The following PTPRD variants were observed in gnomAD, a reference collection of about 807,000 sequenced individuals.
The protein encoded by PTPRD is protein tyrosine phosphatase receptor type D.
In PTPRD, 34 loss-of-function variants were observed where a neutral mutation model predicts 214.5. That is an observed-to-expected ratio of 0.16 (90% CI 0.12 to 0.21). The LOEUF is 0.21. PTPRD is among the 10% of genes least tolerant of loss of function. The pLI is 1.00. For synonymous variants in PTPRD, 1,128 were observed against 845.7 expected, an observed-to-expected ratio of 1.33 and a Z score of -5.79; for missense variants, 2,545 against 2,398.7, an observed-to-expected ratio of 1.06 and a Z score of -1.27.
chr9:10,539,157 C>T (rs1006399845), intron 2 of PTPRD, among the ~76,000 whole-genome samples: 15 of 152,152 alleles, frequency 9.9e-5, no homozygotes, highest in African/African-American at 3.6e-4. Context: ...GAGAAAACAG[C>T]ATTTGAATTT....
intron 10 of PTPRD, among the ~76,000 whole-genome samples, chr9:9,084,869 C>A (rs1356092620): frequency 6.6e-6 from 1 of 152,076 alleles, no homozygotes; most frequent in Non-Finnish European, 1.5e-5. Context: ...ATTTTATTTT[C>A]TCTAATGTTT....
In PTPRD at chr9:10,363,991, G is replaced by GTTTTTGTTTTTTTTTT. The variant is rs1555222212; in HGVS notation, c.-599-22975_-599-22974insAAAAAAAAAACAAAAA. 6.5e-4 allele frequency among the ~76,000 whole-genome samples: 23 copies of GTTTTTGTTTTTTTTTT among 35,130 alleles called. 1 individual carries two copies. The highest frequency in any genetic ancestry group is 8.8e-4 in the Non-Finnish European group (16 of 18,094). The allele number at this position is 35,130 out of a possible 152,430, so 23.0% of individuals were successfully genotyped here. ...ATTATTATTGCCTCCACATTTTCGGGTTTTTTTTTTTTTTTTTTTTTTTTT... is the reference window on the plus strand; with the variant it reads ...ATTATTATTGCCTCCACATTTTCGGGTTTTTGTTTTTTTTTTTTTTTTTTTTTTTTTTTTTTTTTTT... On this transcript the variant is annotated intron_variant, in intron 2 of 45. Coordinates refer to ENST00000381196, the MANE Select transcript of PTPRD (RefSeq NM_002839.4).
At chr9:10,423,969 A>G (rs959057734) in intron 2 of PTPRD, among the ~76,000 whole-genome samples, 1 of 151,964 alleles carries the variant, frequency 6.6e-6, no homozygotes, top group Non-Finnish European at 1.5e-5. Flanking sequence ...AGATTTTCCA[A>G]TAGAGGGTAT....
At chr9:8,505,453 T>C (rs2137322121) in intron 22 of PTPRD, among the ~76,000 whole-genome samples, 1 of 151,564 alleles carries the variant, frequency 6.6e-6, no homozygotes, top group South Asian at 2.1e-4. Context: ...AAATCCCATC[T>C]CTCCTAAAAA....
intron 2 of PTPRD, among the ~76,000 whole-genome samples, chr9:10,538,064 C>T (rs889579677): frequency 6.6e-5 from 10 of 151,974 alleles, no homozygotes; most frequent in Admixed American, 2.6e-4. Flanking sequence ...TGAGTTTAGG[C>T]TTGTCAACTT....
chr9:10,012,661 T>A (rs564207746), intron 4 of PTPRD, among the ~76,000 whole-genome samples: 1 of 152,078 alleles, frequency 6.6e-6, no homozygotes, highest in African/African-American at 2.4e-5. Flanking sequence ...TGGAACATGA[T>A]AATTCCTCAG....
intron 2 of PTPRD, among the ~76,000 whole-genome samples, chr9:10,368,968 G>A (rs2097563037): frequency 6.6e-6 from 1 of 151,980 alleles, no homozygotes; most frequent in South Asian, 2.1e-4. Context: ...CCATTTTAAT[G>A]GCTTCAGTCA....
At chr9:9,511,143 G>T (rs535743259) in intron 8 of PTPRD, among the ~76,000 whole-genome samples, 1 of 151,742 alleles carries the variant, frequency 6.6e-6, no homozygotes, top group Admixed American at 6.6e-5. Context: ...TTTTCCTAAG[G>T]TTGGACTTTG....
At chr9:8,929,871 G>A (rs1278439426) in intron 11 of PTPRD, among the ~76,000 whole-genome samples, 32 of 84,754 alleles carry the variant, frequency 3.8e-4, no homozygotes, top group African/African-American at 7.3e-4. Context: ...ATATACATGT[G>A]TGTGTATATA....
At chr9:9,209,057 C>G (rs561441773) in intron 9 of PTPRD, among the ~76,000 whole-genome samples, 166 of 152,196 alleles carry the variant, frequency 1.1e-3, no homozygotes, top group Non-Finnish European at 2.2e-3. Flanking sequence ...ATCGGCCCGC[C>G]TTGGCCTCCC....
intron 35 of PTPRD, among the ~76,000 whole-genome samples, chr9:8,419,654 C>G (rs1340655696): frequency 1.3e-5 from 2 of 151,616 alleles, no homozygotes; most frequent in Non-Finnish European, 2.9e-5. Context: ...ATATTTCTTT[C>G]TCGGGGGGGC....
At chr9:10,160,125 G>A (rs2099118658) in intron 3 of PTPRD, among the ~76,000 whole-genome samples, 2 of 151,990 alleles carry the variant, frequency 1.3e-5, no homozygotes, top group South Asian at 4.1e-4. Flanking sequence ...CATGTAGACT[G>A]AAAATGAATG....
intron 11 of PTPRD, among the ~76,000 whole-genome samples, chr9:9,013,081 T>A (rs1449546887): frequency 6.6e-6 from 1 of 152,162 alleles, no homozygotes; most frequent in Non-Finnish European, 1.5e-5. Context: ...TAATCTTGTT[T>A]GTTTGCTTGT....
intron 9 of PTPRD, among the ~76,000 whole-genome samples, chr9:9,396,312 G>A (rs906735001): frequency 4.6e-5 from 7 of 152,010 alleles, no homozygotes; most frequent in African/African-American, 1.7e-4. Context: ...CTTTAAACCA[G>A]CAGCTTTGTA....
At chr9:8,891,326 G>T (rs1386588631) in intron 11 of PTPRD, among the ~76,000 whole-genome samples, 1 of 151,746 alleles carries the variant, frequency 6.6e-6, no homozygotes, top group Non-Finnish European at 1.5e-5. Flanking sequence ...TAGAGACGGA[G>T]TTTCACCGTG....
intron 3 of PTPRD, among the ~76,000 whole-genome samples, chr9:10,250,731 T>C (rs1426505783): frequency 6.6e-6 from 1 of 152,056 alleles, no homozygotes; most frequent in African/African-American, 2.4e-5. Flanking sequence ...CCCAAGTATA[T>C]GCTCCAAGAA....
At chr9:10,392,468 A>G (rs2098087484) in intron 2 of PTPRD, among the ~76,000 whole-genome samples, 1 of 151,936 alleles carries the variant, frequency 6.6e-6, no homozygotes, top group Non-Finnish European at 1.5e-5. Context: ...AAATGCACCC[A>G]GTTATGTAAC....
intron 8 of PTPRD, among the ~76,000 whole-genome samples, chr9:9,503,392 G>A (rs10977826): frequency 0.15 from 22,094 of 151,288 alleles, 2,332 homozygotes; most frequent in East Asian, 0.37. Flanking sequence ...ATTTTTTAGT[G>A]TCTTTATGAA....
chr9:8,633,215 C>A, intron 14 of PTPRD, 102 bp downstream of exon 14: 1 of 1,379,962 alleles, frequency 7.2e-7, no homozygotes, highest in Non-Finnish European at 9.8e-7. Flanking sequence ...ACTGAGTTTC[C>A]CATTTAAGCA....
Sources: allele counts gnomAD v4.1 joint callset (sites outside exome capture counted in the v4.1 genomes callset), GRCh38; gene constraint gnomAD v4.1.1; transcripts MANE v1.5; gene names NCBI Gene and HGNC (gene_info 2026-07-23, HGNC 2026-07-21).